The following ACSL1 variants were observed in gnomAD, a reference collection of about 807,000 sequenced individuals.
ACSL1 encodes acyl-CoA synthetase long chain family member 1.
ACSL1 carries 41 observed loss-of-function variants against 98.4 expected under a neutral mutation model. That is an observed-to-expected ratio of 0.42 (90% CI 0.32 to 0.54). ACSL1 has a LOEUF of 0.54. ACSL1 is among the 20% of genes least tolerant of loss of function. The pLI is 0.13. For synonymous variants in ACSL1, 316 were observed against 322.7 expected (o/e 0.98, Z 0.22); for missense variants, 734 against 883.1 (o/e 0.83, Z 2.14).
chr4:184,776,993 C>G lies in ACSL1; in HGVS notation c.478-10G>C, dbSNP rs1357868484. On this transcript the variant is annotated splice_polypyrimidine_tract_variant and intron_variant, in intron 5 of 20. Coordinates refer to ENST00000281455, the MANE Select transcript of ACSL1 (RefSeq NM_001995.5). Reference sequence around the variant, plus strand: ...GTTCAATAATCACCCACTAAACAAACAGTAAAGGTCAGGGAGAGAAAACAG... The same window carrying G: ...GTTCAATAATCACCCACTAAACAAAGAGTAAAGGTCAGGGAGAGAAAACAG... The G allele has an allele frequency of 1.9e-6, 3 of 1,610,986 alleles. No individual in the cohort carries two copies. Among genetic ancestry groups the G allele is most frequent in the African/African-American group, 2.7e-5 (2 of 74,854 alleles).
intron 1 of ACSL1, among the ~76,000 whole-genome samples, chr4:184,812,473 C>T (rs536239705): frequency 3.3e-5 from 5 of 152,238 alleles, no homozygotes; most frequent in East Asian, 1.9e-4. Context: ...ACTCCTACAC[C>T]GCACACCAGA....
chr4:184,775,259 T>C (rs967518252), intron 7 of ACSL1, among the ~76,000 whole-genome samples: 1 of 152,098 alleles, frequency 6.6e-6, no homozygotes, highest in African/African-American at 2.4e-5. Flanking sequence ...TAAGTACAGA[T>C]CATATTAAAC....
At chr4:184,776,718 C>T in intron 6 of ACSL1, 56 bp from the exon 7 acceptor site, 1 of 1,560,938 alleles carries the variant, frequency 6.4e-7, no homozygotes, top group East Asian at 2.2e-5. Context: ...AAGATTCACT[C>T]TGTCATATCC....
intron 1 of ACSL1, chr4:184,805,852 T>G (rs1037145502): frequency 5.9e-5 from 9 of 152,252 alleles, no homozygotes; most frequent in African/African-American, 2.2e-4. Flanking sequence ...GGACCGGTTC[T>G]GAAAACAGAC....
rs935282830 is a variant in ACSL1, at chr4:184,783,036, G to T, written c.375+891C>A. On this transcript the variant is annotated intron_variant, in intron 4 of 20. Coordinates refer to ENST00000281455, the MANE Select transcript of ACSL1 (RefSeq NM_001995.5). ...TTACCTGCCCCGAGAGCAGGAGAAGGGGGGCCAGGGACGGGAGCCTTTCCT... is the reference window on the plus strand; with the variant it reads ...TTACCTGCCCCGAGAGCAGGAGAAGTGGGGCCAGGGACGGGAGCCTTTCCT... Among the ~76,000 whole-genome samples the T allele has an allele frequency of 3.9e-5, 6 of 152,300 alleles. No homozygotes were observed. The South Asian group carries it at 1.2e-3, about 32-fold the overall frequency.
Position 184,797,337 on chromosome 4 carries a change from C to T in ACSL1, c.195+5983G>A, listed in dbSNP as rs763781716. On this transcript the variant is annotated intron_variant, in intron 2 of 20. Transcript: ENST00000281455. ...CTCTTCTCCTGCAAAAATTATTTCT[C>T]CTAGTTTGCAAGTGGGCCTTTACAT... Among the ~76,000 whole-genome samples, 38 of 152,194 alleles carry T rather than the reference C, an allele frequency of 2.5e-4. 1 individual carries two copies. The highest frequency in any genetic ancestry group is 2.4e-3 in the Admixed American group (37 of 15,282).
intron 4 of ACSL1, 140 bp downstream of exon 4, chr4:184,783,787 G>T: frequency 3.9e-6 from 3 of 767,970 alleles, no homozygotes; most frequent in Non-Finnish European, 6.7e-6. Flanking sequence ...GTTTCTCCTT[G>T]GATGCCCCAT....
intron 2 of ACSL1, among the ~76,000 whole-genome samples, chr4:184,800,481 A>G (rs1433434172): frequency 1.3e-5 from 2 of 152,220 alleles, no homozygotes; most frequent in Admixed American, 6.5e-5. Context: ...AGGCTAAAAC[A>G]TGTAGCCAGG....
chr4:184,805,606 G>T, intron 1 of ACSL1: 1 of 816,726 alleles, frequency 1.2e-6, no homozygotes, highest in Non-Finnish European at 1.5e-6. Context: ...GGAAGTGGGC[G>T]GGGGTTAGCA....
intron 2 of ACSL1, among the ~76,000 whole-genome samples, chr4:184,790,026 T>C (rs979385961): frequency 5.3e-5 from 8 of 152,002 alleles, no homozygotes; most frequent in Non-Finnish European, 7.4e-5. Flanking sequence ...GTTTCTGGCT[T>C]AAGGTGTGAT....
chr4:184,811,120 G>GT (rs553263210), intron 1 of ACSL1, among the ~76,000 whole-genome samples: 33 of 151,518 alleles, frequency 2.2e-4, no homozygotes, highest in Non-Finnish European at 4.3e-4. Context: ...TTTTTGTTTT[G>GT]TTTTTTGAGA....
chr4:184,788,289 G>T (rs1380290144), intron 3 of ACSL1: 1 of 400,484 alleles, frequency 2.5e-6, no homozygotes, highest in African/African-American at 2.1e-5. Context: ...AAGTAAGCAT[G>T]AAAAATGCCG....
At chr4:184,770,213 G>T in intron 11 of ACSL1, 186 bp downstream of exon 11, 1 of 1,507,234 alleles carries the variant, frequency 6.6e-7, no homozygotes, top group South Asian at 1.2e-5. Flanking sequence ...GGGCTGAGCA[G>T]AGAATTCTCT....
At chr4:184,788,436 G>A in intron 3 of ACSL1, 181 bp downstream of exon 3, 2 of 686,322 alleles carry the variant, frequency 2.9e-6, no homozygotes, top group South Asian at 3.0e-5. Context: ...AGGGCCACAG[G>A]GAACATCTAG....
In ACSL1 at chr4:184,757,531, G is replaced by A; in HGVS notation, c.1956+104C>T. ...AACTACTCCATTATTTATTCCTCATGTATGTCTTTAGGTCACCCCATATGT... is the reference window on the plus strand; with the variant it reads ...AACTACTCCATTATTTATTCCTCATATATGTCTTTAGGTCACCCCATATGT... On this transcript the variant is annotated intron_variant, in intron 20 of 20. Transcript: ENST00000281455. This position sits in a 1 kb window ranked among gnomAD's most constrained non-coding sequence, Gnocchi z 4.5. The A allele has an allele frequency of 9.1e-7, 1 of 1,103,146 alleles. No homozygotes were observed. Among genetic ancestry groups the A allele is most frequent in the Non-Finnish European group, 1.3e-6 (1 of 759,574 alleles). 68.3% of individuals were successfully genotyped at this position (1,103,146 alleles called of 1,614,324 possible).
chr4:184,777,094 T>A, intron 5 of ACSL1, 111 bp from the exon 6 acceptor site: 1 of 955,472 alleles, frequency 1.0e-6, no homozygotes, highest in Non-Finnish European at 1.6e-6. Context: ...GCAGCAAAAT[T>A]AACATCTGTG....
At chr4:184,779,416 T>C (rs1019558002) in intron 5 of ACSL1, among the ~76,000 whole-genome samples, 7 of 152,166 alleles carry the variant, frequency 4.6e-5, no homozygotes, top group African/African-American at 1.7e-4. Flanking sequence ...CAAGTCCAAT[T>C]AAACCTCTTT....
chr4:184,757,830 A>C lies in ACSL1; in HGVS notation c.1873T>G (p.Cys625Gly). Residue 625 changes from cysteine (C) to glycine (G), a missense_variant, in exon 19 of 21, where the codon TGC becomes GGC. Cys to Gly is a radical substitution (Grantham distance 159). Coordinates refer to ENST00000281455, the MANE Select transcript of ACSL1 (RefSeq NM_001995.5). This position sits in a 1 kb window ranked among gnomAD's most constrained non-coding sequence, Gnocchi z 4.5. ...RGFEGSFEELCRNKDVKKAIL... is the reference protein window; with the variant it reads ...RGFEGSFEELGRNKDVKKAIL... ...CTTCAGAACCTTACCTTATTTCTGC[A>C]CAGTTCCTCAAACGACCCTTCAAAT... 6.2e-7 allele frequency: 1 copy of C among 1,614,190 alleles called. No homozygotes were observed. The highest frequency in any genetic ancestry group is 8.5e-7 in the Non-Finnish European group (1 of 1,180,016).
In ACSL1 at chr4:184,803,437, C is replaced by T. The variant is rs778377526; in HGVS notation, c.78G>A (p.Pro26=). ...VDFRQYVRTL[P]TNTLMGFGAF... is the part of the protein sequence containing the mutation. Reference sequence around the variant, plus strand: ...CTCCGAAGCCCATAAGCGTGTTGGTCGGAAGAGTACGCACGTACTGTCGGA... The same window carrying T: ...CTCCGAAGCCCATAAGCGTGTTGGTTGGAAGAGTACGCACGTACTGTCGGA... Residue 26 remains proline (P), a synonymous_variant, in exon 2 of 21, where the codon CCG becomes CCA. Transcript: ENST00000281455. This position sits in a 1 kb window ranked among gnomAD's most constrained non-coding sequence, Gnocchi z 4.8. The T allele has an allele frequency of 1.4e-5, 23 of 1,613,740 alleles. No homozygotes were observed. The highest frequency in any genetic ancestry group is 2.7e-5 in the African/African-American group (2 of 74,898).
Sources: allele counts gnomAD v4.1 joint callset (sites outside exome capture counted in the v4.1 genomes callset), GRCh38; gene constraint gnomAD v4.1.1; non-coding constraint Gnocchi (gnomAD v3.1); transcripts MANE v1.5; gene names NCBI Gene and HGNC (gene_info 2026-07-23, HGNC 2026-07-21).